RP1: variants seen among roughly 807,000 people sequenced by gnomAD.
The protein encoded by RP1 is oxygen-regulated protein 1.
RP1 carries 16 observed loss-of-function variants against 14.8 expected under a neutral mutation model. That is an observed-to-expected ratio of 1.08 (90% CI 0.73 to 1.65). The LOEUF is 1.65. Ranked by LOEUF, RP1 falls within the 40% of genes most tolerant of loss-of-function variation. The pLI, the probability that RP1 is intolerant of heterozygous loss-of-function variation, is 0.00. For synonymous variants in RP1, 876 were observed against 883.6 expected, an observed-to-expected ratio of 0.99 and a Z score of 0.15; for missense variants, 2,631 against 2,535.0, an observed-to-expected ratio of 1.04 and a Z score of -0.81.
chr8:54,742,873 G>A (rs578131348), intron 19 of RP1, among the ~76,000 whole-genome samples: 5 of 152,282 alleles, frequency 3.3e-5, no homozygotes, highest in South Asian at 2.1e-4. Context: ...ACATCACTAC[G>A]TAGTGATTCT....
chr8:54,569,878 G>C (rs866539902), intron 1 of RP1, among the ~76,000 whole-genome samples: 1 of 152,202 alleles, frequency 6.6e-6, no homozygotes, highest in Admixed American at 6.5e-5. Context: ...AGTAAGACAG[G>C]GAGGTGGACA....
chr8:54,590,010 C>T (rs960885871), intron 1 of RP1, among the ~76,000 whole-genome samples: 34 of 152,132 alleles, frequency 2.2e-4, no homozygotes, highest in African/African-American at 8.0e-4. Flanking sequence ...ATCCAGATGA[C>T]CTGCATCAAG....
At chr8:54,658,147 T>A (rs1203622441) in intron 6 of RP1, among the ~76,000 whole-genome samples, 1 of 152,210 alleles carries the variant, frequency 6.6e-6, no homozygotes, top group Non-Finnish European at 1.5e-5. Flanking sequence ...TTTAACTACT[T>A]TAGATACATC....
intron 24 of RP1, among the ~76,000 whole-genome samples, chr8:54,820,374 T>C (rs1042712080): frequency 6.6e-6 from 1 of 152,158 alleles, no homozygotes; most frequent in Non-Finnish European, 1.5e-5. Context: ...ATTGCAGTCC[T>C]TGTGGCCTGA....
upstream of RP1, among the ~76,000 whole-genome samples, chr8:54,613,621 G>A (rs1386011472): frequency 6.6e-6 from 1 of 152,122 alleles, no homozygotes; most frequent in African/African-American, 2.4e-5. Flanking sequence ...ATATTGGAGG[G>A]TACTTACTTC....
intron 26 of RP1, among the ~76,000 whole-genome samples, chr8:54,854,892 T>C (rs557210525): frequency 3.9e-5 from 6 of 152,242 alleles, no homozygotes; most frequent in East Asian, 1.9e-4. Flanking sequence ...ATAAAATTAA[T>C]TGTGGCAAAA....
chr8:54,626,252 T>G lies in RP1; in HGVS notation c.2370T>G (p.Pro790=). 1 of 1,613,196 alleles carries G rather than the reference T, an allele frequency of 6.2e-7. No homozygotes were observed. The highest frequency in any genetic ancestry group is 8.5e-7 in the Non-Finnish European group (1 of 1,179,626). The stretch of plus-strand genomic sequence containing the variant: ...TAAATAAAATAAGCTTAGGAGCACC[T>G]AAAAAAAGAGAAATCGGTCAAAGAG... The part of the protein sequence containing the change: ...RSLNKISLGA[P]KKREIGQRDK... Residue 790 remains proline (P), a synonymous_variant, in exon 4 of 4, where the codon CCT becomes CCG. Transcript: ENST00000220676.
chr8:54,697,474 G>C (rs1051699494), intron 12 of RP1, among the ~76,000 whole-genome samples: 1 of 152,182 alleles, frequency 6.6e-6, no homozygotes, highest in Non-Finnish European at 1.5e-5. Context: ...AGAATCACTT[G>C]AACCTGGGAG....
intron 20 of RP1, chr8:54,755,509 A>G: frequency 3.0e-6 from 3 of 998,752 alleles, no homozygotes; most frequent in Non-Finnish European, 4.3e-6. Context: ...ATTCTCATAT[A>G]TGTTTTTCTT....
At chr8:54,803,369 C>T (rs79168805) in intron 24 of RP1, among the ~76,000 whole-genome samples, 4,355 of 152,168 alleles carry the variant, frequency 0.029, 120 homozygotes, top group African/African-American at 0.064. Context: ...AAATGATGAA[C>T]ACTACCTTGT....
intron 17 of RP1, among the ~76,000 whole-genome samples, chr8:54,730,657 T>C (rs1031203677): frequency 1.3e-5 from 2 of 152,104 alleles, no homozygotes; most frequent in African/African-American, 2.4e-5. Context: ...GACACAGACC[T>C]TTACCTTGAT....
chr8:54,798,916 A>G (rs1298256446), intron 24 of RP1, among the ~76,000 whole-genome samples: 1 of 152,086 alleles, frequency 6.6e-6, no homozygotes, highest in African/African-American at 2.4e-5. Flanking sequence ...AACATATACA[A>G]TATTTGTTAT....
chr8:54,577,265 C>T (rs550665874), intron 1 of RP1, among the ~76,000 whole-genome samples: 1 of 152,320 alleles, frequency 6.6e-6, no homozygotes, highest in African/African-American at 2.4e-5. Flanking sequence ...ACCTGCCCAC[C>T]TCAGCCTCCC....
At chr8:54,605,862 C>T (rs1372896874) in intron 1 of RP1, among the ~76,000 whole-genome samples, 2 of 151,944 alleles carry the variant, frequency 1.3e-5, no homozygotes, top group Admixed American at 6.6e-5. Context: ...GGATTGCAAC[C>T]CCTGCCTTTT....
At chr8:54,814,872 C>T (rs540910542) in intron 24 of RP1, among the ~76,000 whole-genome samples, 75 of 152,322 alleles carry the variant, frequency 4.9e-4, no homozygotes, top group African/African-American at 1.8e-3. Context: ...TCTCTCCCCA[C>T]CGAATGCCAC....
chr8:54,820,736 G>A lies in RP1; in HGVS notation c.3616-16714G>A, dbSNP rs1198027792. Among the ~76,000 whole-genome samples, 6 of 152,250 alleles carry A rather than the reference G, an allele frequency of 3.9e-5. No homozygotes were observed. In the South Asian group the frequency reaches 1.2e-3, roughly 32 times the overall value. On this transcript the variant is annotated intron_variant, in intron 24 of 28. Coordinates refer to the RP1 transcript ENST00000637698. ...TGATATGATCTTAAAACCAGGTACT[G>A]CGATCACTCATCTGATTTTTGGTTC...
intron 1 of RP1, among the ~76,000 whole-genome samples, chr8:54,596,105 A>G (rs1805139125): frequency 6.6e-6 from 1 of 152,232 alleles, no homozygotes; most frequent in Non-Finnish European, 1.5e-5. Context: ...TTTATTTAAT[A>G]ATTCTGTTTC....
chr8:54,867,055 A>G (rs1812474218), intron 28 of RP1, among the ~76,000 whole-genome samples: 1 of 152,194 alleles, frequency 6.6e-6, no homozygotes, highest in South Asian at 2.1e-4. Flanking sequence ...ATGCTCAATA[A>G]GGGAGGAGAG....
intron 1 of RP1, among the ~76,000 whole-genome samples, chr8:54,588,419 C>G (rs556847689): frequency 3.9e-5 from 6 of 152,140 alleles, no homozygotes; most frequent in Non-Finnish European, 8.8e-5. Flanking sequence ...CAAGGTCTGA[C>G]TGGTGCAGGA....
Sources: gnomAD v4.1 joint callset for allele counts (sites outside exome capture counted in the v4.1 genomes callset) on GRCh38, gnomAD v4.1.1 for gene constraint, MANE v1.5 for transcripts, NCBI Gene and HGNC (gene_info 2026-07-23, HGNC 2026-07-21) for gene names.